SFXN2: variants seen among roughly 807,000 people sequenced by gnomAD.
SFXN2 encodes the protein sideroflexin 2.
Under a neutral mutation model 41.9 loss-of-function variants are expected in SFXN2, and 37 were observed. That is an observed-to-expected ratio of 0.88 (90% CI 0.68 to 1.16). SFXN2 has a LOEUF of 1.16. Among genes scored for constraint, SFXN2 ranks in the 50% most tolerant of loss-of-function variants. SFXN2 has a pLI of 0.00. For synonymous variants in SFXN2, 150 were observed against 156.7 expected (o/e 0.96, Z 0.32); for missense variants, 386 against 425.2 (o/e 0.91, Z 0.81).
In SFXN2 at chr10:102,733,413, G is replaced by T. The variant is rs1416051126; in HGVS notation, c.772-141G>T. 7.6e-6 allele frequency: 5 copies of T among 656,982 alleles called. No homozygotes were observed. The African/African-American group carries it at 9.1e-5, about 12-fold the overall frequency. The allele number at this position is 656,982 out of a possible 1,614,324, so 40.7% of individuals were successfully genotyped here. A position where few individuals can be genotyped will look rare whatever the true frequency, so the allele number is the denominator to read the frequency against. On this transcript the variant is annotated intron_variant, in intron 9 of 11. Transcript: ENST00000369893. ...TCTGCCCATCTCGGTCTCCCAAAGT[G>T]CTGGGATTACAGGCATGAGCCACTG...
chr10:102,732,994 C>T (rs956631195), intron 9 of SFXN2, 86 bp downstream of exon 9: 4 of 1,353,140 alleles, frequency 3.0e-6, no homozygotes, highest in Admixed American at 1.7e-5. Context: ...TGCCCTCCCC[C>T]ACCCATCCTT....
chr10:102,732,114 T>C (rs954625116), intron 7 of SFXN2, 38 bp from the exon 8 acceptor site: 3 of 1,589,464 alleles, frequency 1.9e-6, no homozygotes, highest in African/African-American at 1.3e-5. Flanking sequence ...GTACACTGGA[T>C]ACATCATTTC....
At chr10:102,718,022 T>C (rs1016072926) in intron 1 of SFXN2, among the ~76,000 whole-genome samples, 7 of 152,128 alleles carry the variant, frequency 4.6e-5, no homozygotes, top group Admixed American at 3.3e-4. Flanking sequence ...AGAGTGCCCA[T>C]TGGGGGACAG....
chr10:102,720,859 A>G (rs936964094), intron 1 of SFXN2, among the ~76,000 whole-genome samples: 2 of 152,098 alleles, frequency 1.3e-5, no homozygotes, highest in Non-Finnish European at 2.9e-5. Flanking sequence ...CACACACACC[A>G]TCTTCCAGCT....
At chr10:102,718,630 C>G (rs1359014659) in intron 1 of SFXN2, among the ~76,000 whole-genome samples, 1 of 152,238 alleles carries the variant, frequency 6.6e-6, no homozygotes, top group Non-Finnish European at 1.5e-5. Flanking sequence ...GGCCAGGGCG[C>G]TGTGGATACT....
chr10:102,732,570 A>G (rs1255591149), intron 8 of SFXN2, among the ~76,000 whole-genome samples: 4 of 152,158 alleles, frequency 2.6e-5, no homozygotes, highest in Non-Finnish European at 2.9e-5. Context: ...CGAACGTACA[A>G]ATACATTTTT....
Position 102,735,886 on chromosome 10 carries a change from G to T in SFXN2, c.846G>T (p.Ala282=), listed in dbSNP as rs200237397. The T allele has an allele frequency of 1.2e-5, 20 of 1,614,120 alleles. No individual in the cohort carries two copies. Among genetic ancestry groups the T allele is most frequent in the African/African-American group, 4.0e-5 (3 of 75,022 alleles). ...GCFLIFMVPV[A]CGLFPQKCEL... ...GCCTCATCTTCATGGTGCCAGTGGC[G>T]TGTGGGCTTTTCCCACAGAAATGGT... is the stretch of plus-strand genomic sequence containing the variant. Residue 282 remains alanine, a synonymous_variant, in exon 11 of 12, where the codon GCG becomes GCT. Transcript: ENST00000369893.
chr10:102,714,672 C>T lies in SFXN2; in HGVS notation c.-35C>T, dbSNP rs890763163. ...CGGGCTGTAACTGGTGGCATTTGTC[C>T]CGGGACCAGGTAAGGGGCCTTGGGA... On this transcript the variant is annotated 5_prime_UTR_variant, in exon 1 of 12. Transcript: ENST00000369893. 2.1e-5 allele frequency: 5 copies of T among 238,908 alleles called. No homozygotes were observed. The highest frequency in any genetic ancestry group is 3.2e-5 in the Non-Finnish European group (4 of 125,506). The allele number at this position is 238,908 out of a possible 1,614,324, so 14.8% of individuals were successfully genotyped here. A position where few individuals can be genotyped will look rare whatever the true frequency, so the allele number is the denominator to read the frequency against.
intron 4 of SFXN2, 154 bp downstream of exon 4, chr10:102,728,683 G>C: frequency 1.6e-6 from 1 of 631,190 alleles, no homozygotes; most frequent in Non-Finnish European, 2.8e-6. Context: ...CTCAAGCTGA[G>C]TAGGGGTGGA....
chr10:102,728,606 C>A, intron 4 of SFXN2, 77 bp downstream of exon 4: 1 of 1,278,508 alleles, frequency 7.8e-7, no homozygotes, highest in Non-Finnish European at 1.1e-6. Flanking sequence ...GCTGTCAGTC[C>A]TTCCTGGGTA....
intron 1 of SFXN2, among the ~76,000 whole-genome samples, chr10:102,721,880 C>T (rs558437649): frequency 1.3e-5 from 2 of 152,178 alleles, no homozygotes; most frequent in South Asian, 4.1e-4. Context: ...TGAACCTTGA[C>T]TGATAAAATG....
At position 102,734,712 on chromosome 10, in the gene SFXN2, G is replaced by A. The variant is rs1032960616; in HGVS notation, c.821+1109G>A. Among the ~76,000 whole-genome samples the A allele has an allele frequency of 2.6e-5, 4 of 152,144 alleles. No individual in the cohort carries two copies. Among genetic ancestry groups the A allele is most frequent in the African/African-American group, 7.2e-5 (3 of 41,422 alleles). On this transcript the variant is annotated intron_variant, in intron 10 of 11. Coordinates refer to ENST00000369893, the MANE Select transcript of SFXN2 (RefSeq NM_178858.6). This position sits in a 1 kb window ranked among gnomAD's most constrained non-coding sequence, Gnocchi z 4.1. ...GGTCTGCAGTAGCCCTAAAAAGTAG[G>A]TTGTCCTCCCTCTGTGTCTCTGAGG...
At chr10:102,729,244 CT>C in intron 4 of SFXN2, 74 bp from the exon 5 acceptor site, 1 of 1,462,554 alleles carries the variant, frequency 6.8e-7, no homozygotes, top group Non-Finnish European at 9.5e-7. Context: ...CGCCAGCCGA[CT>C]TTCTCCCTGA....
intron 1 of SFXN2, chr10:102,716,557 CTTT>C (rs2064417367): frequency 8.1e-6 from 1 of 123,898 alleles, no homozygotes; most frequent in Non-Finnish European, 1.7e-5. Flanking sequence ...CCCTCTCTTT[CTTT>C]CCTTTTTTTT....
intron 9 of SFXN2, 141 bp from the exon 10 acceptor site, chr10:102,733,413 G>A (rs1416051126): frequency 1.5e-6 from 1 of 656,980 alleles, no homozygotes; most frequent in Non-Finnish European, 2.8e-6. Context: ...CTCCCAAAGT[G>A]CTGGGATTAC....
At position 102,741,756 on chromosome 10, in the gene SFXN2, C is replaced by T. The variant is rs1842787213; in HGVS notation, c.*3994C>T. 1 of 152,214 alleles carries T rather than the reference C, an allele frequency of 6.6e-6. No individual in the cohort carries two copies. The highest frequency in any genetic ancestry group is 2.4e-5 in the African/African-American group (1 of 41,454). 9.4% of individuals were successfully genotyped at this position (152,214 alleles called of 1,614,324 possible). A position where few individuals can be genotyped will look rare whatever the true frequency, so the allele number is the denominator to read the frequency against. ...TAGCCTTTATGTGGAAGACTTACAA[C>T]TTTTTGAGGCCAGGAATTAGAGACC... is the stretch of plus-strand genomic sequence containing the variant. On this transcript the variant is annotated 3_prime_UTR_variant, in exon 12 of 12. Coordinates refer to ENST00000369893, the MANE Select transcript of SFXN2 (RefSeq NM_178858.6).
intron 1 of SFXN2, chr10:102,716,630 G>A (rs998764552): frequency 1.4e-5 from 2 of 138,918 alleles, no homozygotes; most frequent in African/African-American, 2.7e-5. Flanking sequence ...GTGCAACGGT[G>A]CGATCTCGGC....
intron 1 of SFXN2, among the ~76,000 whole-genome samples, chr10:102,715,930 C>CA (rs11464783): frequency 0.39 from 36,720 of 94,760 alleles, 5,259 homozygotes; most frequent in Middle Eastern, 0.49. Flanking sequence ...GACCCTGCCT[C>CA]AAAAAAAAAA....
chr10:102,727,358 A>G (rs570242844), intron 3 of SFXN2, among the ~76,000 whole-genome samples: 7 of 152,324 alleles, frequency 4.6e-5, no homozygotes, highest in African/African-American at 1.4e-4. Flanking sequence ...CATTTTATAG[A>G]TGAAGAACTA....
Sources: allele counts gnomAD v4.1 joint callset (sites outside exome capture counted in the v4.1 genomes callset), GRCh38; gene constraint gnomAD v4.1.1; non-coding constraint Gnocchi (gnomAD v3.1); transcripts MANE v1.5; gene names NCBI Gene and HGNC (gene_info 2026-07-23, HGNC 2026-07-21).